The following MYO5A variants were observed in gnomAD, a reference collection of about 807,000 sequenced individuals.
MYO5A encodes the protein unconventional myosin-Va.
Under a neutral mutation model 249.7 loss-of-function variants are expected in MYO5A, and 98 were observed. The observed-to-expected ratio is 0.39, with a 90% confidence interval of 0.33 to 0.46. MYO5A has a LOEUF of 0.46. Among genes scored for constraint, MYO5A ranks in the 20% least tolerant of loss-of-function variants. The pLI, the probability that MYO5A is intolerant of heterozygous loss-of-function variation, is 0.98. For synonymous variants in MYO5A, 778 were observed against 810.6 expected, an observed-to-expected ratio of 0.96 and a Z score of 0.68; for missense variants, 1,696 against 2,308.8, an observed-to-expected ratio of 0.73 and a Z score of 5.44.
chr15:52,499,126 A>C (rs1595797501), intron 1 of MYO5A, among the ~76,000 whole-genome samples: 1 of 151,904 alleles, frequency 6.6e-6, no homozygotes, highest in African/African-American at 2.4e-5. Flanking sequence ...TTGCCCTTTT[A>C]CTCCTGAAGC....
rs776486257 is a variant in MYO5A, at chr15:52,376,393, C to T, written c.2374G>A (p.Ala792Thr). The change falls in exon 19 of 42, where the codon GCA (alanine) becomes ACA (threonine). Residue 792 changes from alanine to threonine, a missense_variant. Coordinates refer to ENST00000399233, the MANE Select transcript of MYO5A (RefSeq NM_001382347.1). ...ACGTATCTCTGCATGGTGATGGCTG[C>T]CTTCCGCATGCGTAGGTACTTCTTT... ...LRKKYLRMRK[A>T]AITMQRYVRG... 5 of 1,614,154 alleles carry T rather than the reference C, an allele frequency of 3.1e-6. No individual in the cohort carries two copies. Among genetic ancestry groups the T allele is most frequent in the Non-Finnish European group, 4.2e-6 (5 of 1,180,026 alleles).
intron 9 of MYO5A, among the ~76,000 whole-genome samples, chr15:52,403,325 C>T (rs997726896): frequency 2.6e-5 from 4 of 152,144 alleles, no homozygotes; most frequent in Non-Finnish European, 5.9e-5. Flanking sequence ...AAATATCCAA[C>T]AATCAACCAG....
chr15:52,413,062 G>A (rs768272549), intron 5 of MYO5A, among the ~76,000 whole-genome samples: 9 of 148,790 alleles, frequency 6.0e-5, no homozygotes, highest in African/African-American at 7.4e-5. Context: ...CAGGAGAATC[G>A]TTTGAATCCA....
At chr15:52,353,838 G>A in intron 26 of MYO5A, 33 bp downstream of exon 26, 1 of 1,611,866 alleles carries the variant, frequency 6.2e-7, no homozygotes, top group Non-Finnish European at 8.5e-7. Context: ...ATAAAGCCCA[G>A]CTTCAGCTCT....
In MYO5A at chr15:52,321,518, A is replaced by G. The variant is rs761241476; in HGVS notation, c.4801-9T>C. On this transcript the variant is annotated splice_polypyrimidine_tract_variant and intron_variant, in intron 37 of 41. Transcript: ENST00000399233. ...TTGTGCTTCATAAAGCCCTAGAGTC[A>G]TAAGGCAAAGTTAATGATACACATG... 2 of 1,614,100 alleles carry G rather than the reference A, an allele frequency of 1.2e-6. No homozygotes were observed. The highest frequency in any genetic ancestry group is 2.2e-5 in the East Asian group (1 of 44,882).
intron 34 of MYO5A, among the ~76,000 whole-genome samples, chr15:52,331,502 TTTAAGGGCAGA>T (rs2038883695): frequency 6.6e-6 from 1 of 152,190 alleles, no homozygotes; most frequent in African/African-American, 2.4e-5. Context: ...AAGAGATTTG[TTTAAGGGCAGA>T]TTAAGTTTGA....
At chr15:52,381,412 T>G (rs1297444953) in intron 16 of MYO5A, among the ~76,000 whole-genome samples, 4 of 152,014 alleles carry the variant, frequency 2.6e-5, no homozygotes, top group African/African-American at 9.7e-5. Context: ...AAAAGGGCAC[T>G]CATACACTGT....
intron 1 of MYO5A, among the ~76,000 whole-genome samples, chr15:52,460,972 G>A (rs780707932): frequency 2.6e-5 from 4 of 152,116 alleles, no homozygotes; most frequent in Non-Finnish European, 4.4e-5. Flanking sequence ...TTTGTTTTTT[G>A]AGACAGAGTC....
intron 1 of MYO5A, among the ~76,000 whole-genome samples, chr15:52,484,508 T>C (rs2076777960): frequency 6.6e-6 from 1 of 152,202 alleles, no homozygotes; most frequent in African/African-American, 2.4e-5. Context: ...CTTCACAGGA[T>C]TTTGCAGATA....
intron 1 of MYO5A, among the ~76,000 whole-genome samples, chr15:52,484,057 AT>A (rs1259327627): frequency 2.0e-5 from 3 of 152,180 alleles, no homozygotes; most frequent in Admixed American, 6.5e-5. Flanking sequence ...GGGCACTGGA[AT>A]TGTTGAGCTC....
chr15:52,471,079 G>T (rs2076457296), intron 1 of MYO5A, among the ~76,000 whole-genome samples: 1 of 151,804 alleles, frequency 6.6e-6, no homozygotes, highest in Non-Finnish European at 1.5e-5. Flanking sequence ...ACCTTCTTGG[G>T]GTCCACTTAA....
At chr15:52,379,195 T>C (rs1288271251) in intron 18 of MYO5A, among the ~76,000 whole-genome samples, 2 of 150,876 alleles carry the variant, frequency 1.3e-5, no homozygotes, top group Non-Finnish European at 2.9e-5. Context: ...TGTCATCCCC[T>C]GATTTCTTGT....
chr15:52,474,868 C>T (rs1270202222), intron 1 of MYO5A, among the ~76,000 whole-genome samples: 1 of 152,134 alleles, frequency 6.6e-6, no homozygotes, highest in Non-Finnish European at 1.5e-5. Context: ...TGTGTCTCTG[C>T]CAGGCTTTGG....
At chr15:52,341,018 C>T (rs2039359692) in intron 31 of MYO5A, among the ~76,000 whole-genome samples, 1 of 151,726 alleles carries the variant, frequency 6.6e-6, no homozygotes, top group Non-Finnish European at 1.5e-5. Flanking sequence ...AAAAAAACAG[C>T]TTTAATTTGC....
intron 1 of MYO5A, among the ~76,000 whole-genome samples, chr15:52,434,704 G>C (rs1467132049): frequency 6.6e-6 from 1 of 152,224 alleles, no homozygotes; most frequent in African/African-American, 2.4e-5. Context: ...CATTGAAGAA[G>C]TGTTTTTATG....
chr15:52,497,959 G>C (rs907445934), intron 1 of MYO5A, among the ~76,000 whole-genome samples: 2 of 151,884 alleles, frequency 1.3e-5, no homozygotes, highest in Non-Finnish European at 2.9e-5. Context: ...GTGTTGCTTC[G>C]AGGGAAATTT....
intron 39 of MYO5A, 62 bp downstream of exon 39, chr15:52,318,998 C>A: frequency 1.3e-6 from 2 of 1,591,074 alleles, no homozygotes; most frequent in Non-Finnish European, 1.7e-6. Flanking sequence ...CAGCTCTCCA[C>A]AACCCTGGCA....
At chr15:52,438,252 A>T (rs2075708564) in intron 1 of MYO5A, among the ~76,000 whole-genome samples, 1 of 152,210 alleles carries the variant, frequency 6.6e-6, no homozygotes, top group Admixed American at 6.5e-5. Flanking sequence ...AAACTTGTCC[A>T]GTCACATCCG....
chr15:52,403,595 A>G (rs1297941939), intron 9 of MYO5A, among the ~76,000 whole-genome samples: 1 of 152,202 alleles, frequency 6.6e-6, no homozygotes, highest in East Asian at 1.9e-4. Context: ...TTTCTTTTTG[A>G]GGTCACAGAA....
Sources: allele counts gnomAD v4.1 joint callset (sites outside exome capture counted in the v4.1 genomes callset), GRCh38; gene constraint gnomAD v4.1.1; transcripts MANE v1.5; gene names NCBI Gene and HGNC (gene_info 2026-07-23, HGNC 2026-07-21).